Variants in PCDHGA7 observed in about 807,000 individuals in gnomAD.
PCDHGA7 encodes the protein protocadherin gamma-A7.
Under a neutral mutation model 58.3 loss-of-function variants are expected in PCDHGA7, and 44 were observed. That is an observed-to-expected ratio of 0.75 (90% confidence interval 0.59 to 0.97). The LOEUF (loss-of-function observed/expected upper bound fraction) is 0.97, where lower values mean the gene tolerates loss of function less well. PCDHGA7 is among the 50% of genes least tolerant of loss of function. PCDHGA7 has a pLI of 0.00. For synonymous variants in PCDHGA7, 516 were observed against 504.2 expected (o/e 1.02, Z -0.31); for missense variants, 1,266 against 1,188.7 (o/e 1.06, Z -0.96).
chr5:141,385,704 T>C (rs1297599541), intron 1 of PCDHGA7: 1 of 268,260 alleles, frequency 3.7e-6, no homozygotes. Context: ...CTCTTTAGCA[T>C]TCAAATATGT....
chr5:141,463,125 G>A (rs2099053159), intron 1 of PCDHGA7, among the ~76,000 whole-genome samples: 3 of 152,192 alleles, frequency 2.0e-5, no homozygotes, highest in East Asian at 1.9e-4. Context: ...ATAGCTCCCT[G>A]GCAGTTCTTC....
At chr5:141,447,011 C>T (rs1213312322) in intron 1 of PCDHGA7, among the ~76,000 whole-genome samples, 1 of 143,918 alleles carries the variant, frequency 6.9e-6, no homozygotes. Flanking sequence ...TCCTAGTGTT[C>T]AGTTTTGTTT....
chr5:141,408,058 G>A, intron 1 of PCDHGA7: 1 of 1,316,270 alleles, frequency 7.6e-7, no homozygotes. Flanking sequence ...GAGCCTCCCG[G>A]CTGCGCAGAC....
intron 1 of PCDHGA7, chr5:141,419,579 C>A: frequency 6.2e-7 from 1 of 1,611,812 alleles, no homozygotes; most frequent in Non-Finnish European, 8.5e-7. Flanking sequence ...CGGCTCCGCG[C>A]TCTTCGACAC....
chr5:141,478,352 G>T lies in PCDHGA7; in HGVS notation c.2425-16455G>T, dbSNP rs767743120. 36 of 1,613,674 alleles carry T rather than the reference G, an allele frequency of 2.2e-5. No homozygotes were observed. Among genetic ancestry groups the T allele is most frequent in the Non-Finnish European group, 3.1e-5 (36 of 1,180,016 alleles). On this transcript the variant is annotated intron_variant, in intron 1 of 3. Transcript: ENST00000518325. ...ACCAGGGCCCTCCTTGCACGCGGACGCCGTGCGGGGAGGCCTGATGTCGCC... is the reference window on the plus strand; with the variant it reads ...ACCAGGGCCCTCCTTGCACGCGGACTCCGTGCGGGGAGGCCTGATGTCGCC...
At chr5:141,409,217 G>A (rs1394491727) in intron 1 of PCDHGA7, 1 of 1,613,852 alleles carries the variant, frequency 6.2e-7, no homozygotes, top group Non-Finnish European at 8.5e-7. Context: ...AGAAATCCTT[G>A]ATGAAAACGA....
At chr5:141,452,412 T>G (rs1009940351) in intron 1 of PCDHGA7, among the ~76,000 whole-genome samples, 2 of 152,222 alleles carry the variant, frequency 1.3e-5, no homozygotes, top group Non-Finnish European at 2.9e-5. Context: ...GTGTGAGGTA[T>G]GCTCACTGCT....
chr5:141,502,629 G>A (rs1368174848), intron 2 of PCDHGA7, among the ~76,000 whole-genome samples: 1 of 152,096 alleles, frequency 6.6e-6, no homozygotes, highest in Non-Finnish European at 1.5e-5. Context: ...GTAATCTGTG[G>A]ATGATACTTT....
chr5:141,499,485 A>G (rs1278629076), intron 2 of PCDHGA7, among the ~76,000 whole-genome samples: 2 of 152,226 alleles, frequency 1.3e-5, no homozygotes, highest in Non-Finnish European at 2.9e-5. Flanking sequence ...ACCACCAACT[A>G]CAGTTTAATA....
rs1352437587 is a variant in PCDHGA7 at position 141,389,683 on chromosome 5, C to T, written c.2424+4360C>T. The stretch of plus-strand genomic sequence containing the variant: ...GTGGACGCAGACTCAGGACACAACG[C>T]CTGGCTGTCCTACCACGTGCTGCAG... On this transcript the variant is annotated intron_variant, in intron 1 of 3. Coordinates refer to ENST00000518325, the MANE Select transcript of PCDHGA7 (RefSeq NM_018920.4). 14 of 1,612,374 alleles carry T rather than the reference C, an allele frequency of 8.7e-6. No individual in the cohort carries two copies. In the Admixed American group the frequency reaches 2.3e-4, roughly 27 times the overall value.
chr5:141,405,401 TC>T (rs1176566209), intron 1 of PCDHGA7: 1 of 1,591,534 alleles, frequency 6.3e-7, no homozygotes, highest in Non-Finnish European at 8.6e-7. Flanking sequence ...TTTCTTTCTT[TC>T]TTTTCTTTTT....
intron 1 of PCDHGA7, chr5:141,385,530 A>T (rs1020257746): frequency 2.5e-4 from 336 of 1,356,078 alleles, no homozygotes; most frequent in Non-Finnish European, 2.9e-4. Flanking sequence ...GGACAAGATT[A>T]TGAATATGTG....
intron 1 of PCDHGA7, among the ~76,000 whole-genome samples, chr5:141,473,915 A>G (rs1366378437): frequency 3.3e-5 from 5 of 152,162 alleles, no homozygotes; most frequent in Non-Finnish European, 5.9e-5. Flanking sequence ...GTCTTAAGAA[A>G]ACTATGAGCT....
In PCDHGA7 at chr5:141,481,621, C is replaced by T. The variant is rs533294863; in HGVS notation, c.2425-13186C>T. Among the ~76,000 whole-genome samples the T allele has an allele frequency of 3.9e-5, 6 of 152,198 alleles. 1 individual carries two copies. Among genetic ancestry groups the T allele is most frequent in the East Asian group, 3.9e-4 (2 of 5,172 alleles). Reference sequence around the variant, plus strand: ...TCACCTGAGGCCAGGAGTTCAAGACCGGCCTGGCCAACATGGTGAAACTTC... The same window carrying T: ...TCACCTGAGGCCAGGAGTTCAAGACTGGCCTGGCCAACATGGTGAAACTTC... On this transcript the variant is annotated intron_variant, in intron 1 of 3. Transcript: ENST00000518325.
At chr5:141,507,809 C>G (rs866898784) in intron 3 of PCDHGA7, among the ~76,000 whole-genome samples, 1 of 152,206 alleles carries the variant, frequency 6.6e-6, no homozygotes, top group Non-Finnish European at 1.5e-5. Context: ...CCCTGGGGAA[C>G]GGACCCTGGG....
chr5:141,423,116 C>T (rs374000303), intron 1 of PCDHGA7: 210 of 1,613,682 alleles, frequency 1.3e-4, no homozygotes, highest in Middle Eastern at 4.9e-4. Context: ...GTGCGTACAG[C>T]GCGGGCACTG....
chr5:141,486,211 T>C lies in PCDHGA7; in HGVS notation c.2425-8596T>C, dbSNP rs779905477. On this transcript the variant is annotated intron_variant, in intron 1 of 3. Coordinates refer to ENST00000518325, the MANE Select transcript of PCDHGA7 (RefSeq NM_018920.4). The surrounding 1 kb of genome is among the most constrained non-coding windows in gnomAD (Gnocchi z 5.0). ...TGGATCTGCTGGACGTAAATGACAA[T>C]GCCCCTTACATCACAGTGACCTCAG... 6.2e-7 allele frequency: 1 copy of C among 1,614,142 alleles called. No homozygotes were observed. Among genetic ancestry groups the C allele is most frequent in the Non-Finnish European group, 8.5e-7 (1 of 1,180,024 alleles).
In PCDHGA7 at chr5:141,490,506, C is replaced by T. The variant is rs967095367; in HGVS notation, c.2425-4301C>T. ...GGGAGGCCACATCCCACTATATCAT[C>T]GAGCTGCTGGCCAGCGATGCTGGTT... is the stretch of plus-strand genomic sequence containing the variant. On this transcript the variant is annotated intron_variant, in intron 1 of 3. Transcript: ENST00000518325. This position sits in a 1 kb window ranked among gnomAD's most constrained non-coding sequence, Gnocchi z 5.4. The T allele has an allele frequency of 1.2e-5, 19 of 1,614,116 alleles. No homozygotes were observed. The highest frequency in any genetic ancestry group is 2.2e-5 in the South Asian group (2 of 91,088).
intron 1 of PCDHGA7, chr5:141,393,383 A>G: frequency 6.2e-7 from 1 of 1,614,000 alleles, no homozygotes; most frequent in Non-Finnish European, 8.5e-7. Flanking sequence ...ATGGAGCCAT[A>G]AACCCAGAGC....
Sources: allele counts gnomAD v4.1 joint callset (sites outside exome capture counted in the v4.1 genomes callset), GRCh38; gene constraint gnomAD v4.1.1; non-coding constraint Gnocchi (gnomAD v3.1); transcripts MANE v1.5; gene names NCBI Gene and HGNC (gene_info 2026-07-23, HGNC 2026-07-21).